S100A7: variants seen among roughly 807,000 people sequenced by gnomAD.
S100A7 encodes S100 calcium binding protein A7.
A neutral mutation model predicts 3.8 loss-of-function variants in S100A7; 2 were observed. That is an observed-to-expected ratio of 0.53 (90% CI 0.22 to 1.67). The LOEUF (loss-of-function observed/expected upper bound fraction) is 1.67. S100A7 is among the 40% of genes most tolerant of loss of function. S100A7 has a pLI of 0.20. For synonymous variants in S100A7, 55 were observed against 45.9 expected (o/e 1.20, Z -0.80); for missense variants, 130 against 126.3 (o/e 1.03, Z -0.14).
intron 1 of S100A7, 138 bp from the exon 2 acceptor site, chr1:153,459,168 T>A (rs1439047598): frequency 3.8e-6 from 4 of 1,050,088 alleles, no homozygotes; most frequent in Non-Finnish European, 5.4e-6. Context: ...TTTTTTAATG[T>A]GATGGGATAA....
intron 2 of S100A7, 140 bp from the exon 3 acceptor site, chr1:153,458,110 G>A: frequency 1.1e-6 from 1 of 939,602 alleles, no homozygotes; most frequent in Non-Finnish European, 1.6e-6. Flanking sequence ...CACAGGGTGA[G>A]TGGGTGAAGT....
Position 153,460,119 on chromosome 1 carries a change from C to T in S100A7, c.-18+489G>A, listed in dbSNP as rs530593377. Among the ~76,000 whole-genome samples the T allele has an allele frequency of 5.9e-5, 9 of 152,318 alleles. No individual in the cohort carries two copies. In the East Asian group the frequency reaches 1.2e-3, roughly 20 times the overall value. On this transcript the variant is annotated intron_variant, in intron 1 of 2. Coordinates refer to ENST00000368723, the MANE Select transcript of S100A7 (RefSeq NM_002963.4). Reference sequence around the variant, plus strand: ...ATTTGCAGGTTGTGGTAGGGAGTGACGGAGCGTTGGTTTCTCAATACCTTA... The same window carrying T: ...ATTTGCAGGTTGTGGTAGGGAGTGATGGAGCGTTGGTTTCTCAATACCTTA...
At position 153,457,816 on chromosome 1, in the gene S100A7, C is replaced by A; in HGVS notation, c.296G>T (p.Gly99Val). 1.2e-6 allele frequency: 2 copies of A among 1,613,554 alleles called. No homozygotes were observed. Among genetic ancestry groups the A allele is most frequent in the Non-Finnish European group, 8.5e-7 (1 of 1,179,768 alleles). ...ATTGGTGGGGCTGGGTCACTGGCTG[C>A]CCCCGGAACAGGGCGCTGCTCCATG... Reference protein sequence around the residue: ...QSHGAAPCSGGSQ With the variant: ...QSHGAAPCSGVSQ Residue 99 changes from glycine to valine, a missense_variant, in exon 3 of 3, where the codon GGC (glycine) becomes GTC (valine). By Grantham distance (109) the Gly-to-Val change is moderately radical (BLOSUM62 -3). Coordinates refer to ENST00000368723, the MANE Select transcript of S100A7 (RefSeq NM_002963.4).
chr1:153,459,139 A>G, intron 1 of S100A7, 109 bp from the exon 2 acceptor site: 1 of 1,358,878 alleles, frequency 7.4e-7, no homozygotes, highest in Admixed American at 2.3e-5. Context: ...GATAAGGTGT[A>G]GCAGAACGAA....
In S100A7 at chr1:153,458,961, T is replaced by C. The variant is rs757905571; in HGVS notation, c.53A>G (p.His18Arg). 1 of 1,614,008 alleles carries C rather than the reference T, an allele frequency of 6.2e-7. No homozygotes were observed. The highest frequency in any genetic ancestry group is 1.3e-5 in the African/African-American group (1 of 74,934). Residue 18 changes from histidine to arginine, a missense_variant, in exon 2 of 3, where the codon CAC (histidine) becomes CGC (arginine). His to Arg is a conservative substitution (Grantham distance 29). Coordinates refer to ENST00000368723, the MANE Select transcript of S100A7 (RefSeq NM_002963.4). ...RSIIGMIDMF[H>R]KYTRRDDKIE... ...CTTGTCATCACGTCTGGTGTATTTGTGAAACATGTCGATCATGCCTATTAT... is the reference window on the plus strand; with the variant it reads ...CTTGTCATCACGTCTGGTGTATTTGCGAAACATGTCGATCATGCCTATTAT...
At position 153,459,970 on chromosome 1, in the gene S100A7, C is replaced by G. The variant is rs1281551129; in HGVS notation, c.-18+638G>C. 25 of 152,388 alleles carry G rather than the reference C, an allele frequency of 1.6e-4. 2 individuals are homozygous for G. Among genetic ancestry groups the G allele is most frequent in the Admixed American group, 1.6e-3 (25 of 15,292 alleles). The allele number at this position is 152,388 out of a possible 1,614,324, so 9.4% of individuals were successfully genotyped here. ...CATATGGGTGTCTGACAATAAACCC[C>G]CAACACCTCTCAATGCAGGAGAAAG... On this transcript the variant is annotated intron_variant, in intron 1 of 2. Coordinates refer to ENST00000368723, the MANE Select transcript of S100A7 (RefSeq NM_002963.4).
chr1:153,458,602 A>T (rs1487472364), intron 2 of S100A7, among the ~76,000 whole-genome samples: 1 of 152,142 alleles, frequency 6.6e-6, no homozygotes, highest in African/African-American at 2.4e-5. Context: ...TTTCAGTCTC[A>T]CAGAGAGAGG....
rs764601020 is a variant in S100A7 at position 153,457,831 on chromosome 1, G to C, written c.281C>G (p.Ala94Gly). The C allele has an allele frequency of 6.2e-7, 1 of 1,614,142 alleles. No homozygotes were observed. Among genetic ancestry groups the C allele is most frequent in the South Asian group, 1.1e-5 (1 of 91,086 alleles). The change falls in exon 3 of 3, where the codon GCG (alanine) becomes GGG (glycine). Residue 94 changes from alanine (A) to glycine (G), a missense_variant. Ala to Gly is a moderately conservative substitution (Grantham distance 60). Coordinates refer to ENST00000368723, the MANE Select transcript of S100A7 (RefSeq NM_002963.4). ...TCACTGGCTGCCCCCGGAACAGGGC[G>C]CTGCTCCATGGCTCTGCTTGTGGTA... ...TDYHKQSHGA[A>G]PCSGGSQ is the part of the protein sequence containing the mutation.
At chr1:153,460,288 A>G (rs978062418) in intron 1 of S100A7, among the ~76,000 whole-genome samples, 1 of 152,204 alleles carries the variant, frequency 6.6e-6, no homozygotes, top group African/African-American at 2.4e-5. Context: ...GGATTTAGCA[A>G]CCGGGACCCC....
In S100A7 at chr1:153,460,392, C is replaced by T. The variant is rs1571204341; in HGVS notation, c.-18+216G>A. On this transcript the variant is annotated intron_variant, in intron 1 of 2. Coordinates refer to ENST00000368723, the MANE Select transcript of S100A7 (RefSeq NM_002963.4). ...TTCCACAGGAGTTGCCTCAGGAGAT[C>T]CCAAAGGAGCAATGGACAGGTCTGG... Among the ~76,000 whole-genome samples the T allele has an allele frequency of 4.6e-5, 7 of 152,302 alleles. No individual in the cohort carries two copies. In the South Asian group the frequency reaches 1.5e-3, roughly 32 times the overall value.
chr1:153,459,156 T>A (rs1557869512), intron 1 of S100A7, 126 bp from the exon 2 acceptor site: 2 of 1,165,222 alleles, frequency 1.7e-6, no homozygotes, highest in East Asian at 5.0e-5. Context: ...CGAACTCAAT[T>A]TTTTTTTAAT....
rs1417613528 is a variant in S100A7, at chr1:153,458,876, G to C, written c.138C>G (p.Ala46=). 1.2e-6 allele frequency: 2 copies of C among 1,613,888 alleles called. No homozygotes were observed. The highest frequency in any genetic ancestry group is 1.1e-5 in the South Asian group (1 of 91,052). ...GAGAAGCTAGACACCGACTCACACA[G>C]GCACTAAGGAAGTTGGGGAAGTTCT... ...MKENFPNFLS[A]CDKKGTNYLA... Residue 46 remains alanine (A), a synonymous_variant, in exon 2 of 3, where the codon GCC becomes GCG. Transcript: ENST00000368723.
At chr1:153,459,962 A>G (rs1663788680) in intron 1 of S100A7, 1 of 152,374 alleles carries the variant, frequency 6.6e-6, no homozygotes, top group South Asian at 2.1e-4. Context: ...GTGTCTGACA[A>G]TAAACCCCCA....
chr1:153,458,324 G>T (rs1663737337), intron 2 of S100A7, among the ~76,000 whole-genome samples: 1 of 152,042 alleles, frequency 6.6e-6, no homozygotes, highest in Admixed American at 6.6e-5. Context: ...CTCAAAATTG[G>T]CCCTCATGCT....
intron 2 of S100A7, among the ~76,000 whole-genome samples, chr1:153,458,276 C>T (rs1663736688): frequency 6.6e-6 from 1 of 152,154 alleles, no homozygotes; most frequent in Non-Finnish European, 1.5e-5. Flanking sequence ...CCGTCCCAGC[C>T]TCTAAGGGCA....
Position 153,458,893 on chromosome 1 carries a change from G to T in S100A7, c.121C>A (p.Pro41Thr). Residue 41 changes from proline to threonine, a missense_variant, in exon 2 of 3, where the codon CCC becomes ACC. By Grantham distance (38) the Pro-to-Thr change is conservative. Coordinates refer to ENST00000368723, the MANE Select transcript of S100A7 (RefSeq NM_002963.4). ...CTCACACAGGCACTAAGGAAGTTGG[G>T]GAAGTTCTCCTTCATCATCGTCAGC... is the stretch of plus-strand genomic sequence containing the variant. ...SLLTMMKENF[P>T]NFLSACDKKG... is the part of the protein sequence containing the mutation. 1.2e-6 allele frequency: 2 copies of T among 1,613,926 alleles called. No homozygotes were observed. The highest frequency in any genetic ancestry group is 1.7e-6 in the Non-Finnish European group (2 of 1,179,882).
At chr1:153,459,393 C>T (rs895154009) in intron 1 of S100A7, among the ~76,000 whole-genome samples, 3 of 152,224 alleles carry the variant, frequency 2.0e-5, no homozygotes, top group African/African-American at 7.2e-5. Context: ...CTTAAAAGAG[C>T]ACCAAATCCA....
chr1:153,458,027 T>G, intron 2 of S100A7, 57 bp from the exon 3 acceptor site: 1 of 1,589,544 alleles, frequency 6.3e-7, no homozygotes, highest in Non-Finnish European at 8.6e-7. Context: ...AGTTTTGGGC[T>G]GGGAGGGAGA....
At chr1:153,458,039 G>A in intron 2 of S100A7, 69 bp from the exon 3 acceptor site, 1 of 1,548,338 alleles carries the variant, frequency 6.5e-7, no homozygotes, top group Admixed American at 1.7e-5. Context: ...GGAGGGAGAG[G>A]AGGAGGCAGA....
Sources: allele counts gnomAD v4.1 joint callset (sites outside exome capture counted in the v4.1 genomes callset), GRCh38; gene constraint gnomAD v4.1.1; transcripts MANE v1.5; gene names NCBI Gene and HGNC (gene_info 2026-07-23, HGNC 2026-07-21).